Variants in KLRG1 observed in about 807,000 individuals in gnomAD.
KLRG1 encodes killer cell lectin-like receptor subfamily G member 1.
A neutral mutation model predicts 21.8 loss-of-function variants in KLRG1; 16 were observed. That is an observed-to-expected ratio of 0.73 (90% CI 0.50 to 1.11). KLRG1 has a LOEUF of 1.11. Ranked by LOEUF, KLRG1 falls within the 50% of genes most tolerant of loss-of-function variation. The probability of loss-of-function intolerance (pLI) is 0.00; values close to 1 mark genes in which losing one functional copy is unlikely to be tolerated. For synonymous variants in KLRG1, 69 were observed against 75.9 expected, an observed-to-expected ratio of 0.91 and a Z score of 0.47; for missense variants, 173 against 218.3, an observed-to-expected ratio of 0.79 and a Z score of 1.31.
the KLRG1 span, chr12:9,027,851 A>T: frequency 1.0e-5 from 10 of 972,064 alleles, no homozygotes; most frequent in African/African-American, 1.6e-4. Context: ...CAAAGTTGTC[A>T]CTCCCACCAA....
chr12:9,215,340 C>T, the KLRG1 span, among the ~76,000 whole-genome samples: 1 of 151,668 alleles, frequency 6.6e-6, no homozygotes, highest in Admixed American at 6.6e-5. Context: ...AACATACTTC[C>T]TTAAAAAAGA....
At chr12:9,146,486 A>T in the KLRG1 span, among the ~76,000 whole-genome samples, 1 of 152,122 alleles carries the variant, frequency 6.6e-6, no homozygotes, top group South Asian at 2.1e-4. Flanking sequence ...TAAATCACAT[A>T]ATTCCATTTC....
intron 4 of KLRG1, among the ~76,000 whole-genome samples, 172 bp from the exon 5 acceptor site, chr12:9,009,254 A>T (rs80070447): frequency 6.6e-6 from 1 of 150,878 alleles, no homozygotes. Context: ...AAAAAAAAAA[A>T]GGATAACATT....
At chr12:9,207,068 G>C in the KLRG1 span, among the ~76,000 whole-genome samples, 1 of 152,172 alleles carries the variant, frequency 6.6e-6, no homozygotes, top group African/African-American at 2.4e-5. Flanking sequence ...CAAGGAAAAA[G>C]CCTGAGGAAA....
chr12:9,200,960 GA>G, the KLRG1 span: 1 of 1,614,090 alleles, frequency 6.2e-7, no homozygotes, highest in Non-Finnish European at 8.5e-7. Context: ...CACCCTGTAG[GA>G]GCCCTGAATG....
the KLRG1 span, chr12:9,091,351 A>G: frequency 6.2e-6 from 10 of 1,614,068 alleles, no homozygotes; most frequent in Admixed American, 3.3e-5. Context: ...CAGCATCTTC[A>G]GACAGGCAGA....
chr12:8,950,329 A>C (rs10842598), intron 1 of KLRG1: 32,772 of 152,158 alleles, frequency 0.22, 4,473 homozygotes, highest in African/African-American at 0.38. Flanking sequence ...ATGCTCTGCA[A>C]CCACCTCTGT....
At chr12:9,181,858 G>T in the KLRG1 span, 1 of 1,139,146 alleles carries the variant, frequency 8.8e-7, no homozygotes, top group African/African-American at 1.6e-5. Context: ...TAAACTTGTT[G>T]GGAACTGTTG....
At chr12:9,042,702 G>A in the KLRG1 span, among the ~76,000 whole-genome samples, 3 of 152,280 alleles carry the variant, frequency 2.0e-5, no homozygotes, top group African/African-American at 7.2e-5. Flanking sequence ...GAATTCTGCT[G>A]CCTTGTACTG....
the KLRG1 span, among the ~76,000 whole-genome samples, chr12:9,131,854 GATATTTTCCAAGCA>G: frequency 6.6e-6 from 1 of 151,826 alleles, no homozygotes; most frequent in Non-Finnish European, 1.5e-5. Flanking sequence ...AAAATGAGAA[GATATTTTCCAAGCA>G]GACTGTGGCA....
chr12:8,977,376 T>G (rs1946674464), intron 1 of KLRG1, among the ~76,000 whole-genome samples: 1 of 148,214 alleles, frequency 6.7e-6, no homozygotes, highest in Admixed American at 6.7e-5. Flanking sequence ...GCTAATTTTT[T>G]TTTTTTTTTT....
At chr12:8,985,614 C>G (rs1039152866), upstream of KLRG1, among the ~76,000 whole-genome samples, 27 of 152,146 alleles carry the variant, frequency 1.8e-4, no homozygotes, top group Non-Finnish European at 3.1e-4. Flanking sequence ...AGTTAATTTG[C>G]TGGAGCAGCT....
intron 1 of KLRG1, among the ~76,000 whole-genome samples, chr12:8,969,898 T>C (rs1167314759): frequency 1.3e-5 from 2 of 152,180 alleles, no homozygotes; most frequent in South Asian, 2.1e-4. Context: ...GGTGGATTGC[T>C]TGAGCCCAGG....
chr12:9,108,685 T>G, the KLRG1 span, among the ~76,000 whole-genome samples: 1 of 152,188 alleles, frequency 6.6e-6, no homozygotes, highest in Non-Finnish European at 1.5e-5. Context: ...ACTGCTACTG[T>G]GTGCCACCAT....
the KLRG1 span, chr12:9,079,362 T>C: frequency 6.3e-7 from 1 of 1,579,892 alleles, no homozygotes; most frequent in Non-Finnish European, 8.7e-7. Context: ...AACAGCACAA[T>C]GGATTAATGT....
chr12:9,207,018 G>A, the KLRG1 span, among the ~76,000 whole-genome samples: 1 of 152,154 alleles, frequency 6.6e-6, no homozygotes, highest in African/African-American at 2.4e-5. Context: ...GAGGGATAGT[G>A]GGGGAGAAAT....
At chr12:9,150,654 G>A in the KLRG1 span, 1 of 1,600,590 alleles carries the variant, frequency 6.2e-7, no homozygotes, top group Non-Finnish European at 8.6e-7. Context: ...CTGTCTCATA[G>A]TAATCATAGA....
At chr12:9,160,958 C>A in the KLRG1 span, 5 of 1,215,890 alleles carry the variant, frequency 4.1e-6, no homozygotes, top group South Asian at 1.2e-5. Context: ...CTTGATAATT[C>A]AAATACAAAT....
intron 3 of KLRG1, among the ~76,000 whole-genome samples, chr12:9,004,428 T>A (rs1947405722): frequency 6.6e-6 from 1 of 152,218 alleles, no homozygotes; most frequent in Admixed American, 6.5e-5. Context: ...TGCAGCATAA[T>A]ACCTAATTGT....
Sources: allele counts gnomAD v4.1 joint callset (sites outside exome capture counted in the v4.1 genomes callset), GRCh38; gene constraint gnomAD v4.1.1; transcripts MANE v1.5; gene names NCBI Gene and HGNC (gene_info 2026-07-23, HGNC 2026-07-21).